PTPRK: variants seen among roughly 807,000 people sequenced by gnomAD.
PTPRK encodes protein tyrosine phosphatase receptor type K.
Under a neutral mutation model 178.0 loss-of-function variants are expected in PTPRK, and 75 were observed. That is an observed-to-expected ratio of 0.42 (90% CI 0.35 to 0.51). PTPRK has a LOEUF of 0.51. PTPRK is among the 20% of genes least tolerant of loss of function. The probability of loss-of-function intolerance (pLI) is 0.02; values close to 1 mark genes in which losing one functional copy is unlikely to be tolerated. For synonymous variants in PTPRK, 637 were observed against 620.6 expected, an observed-to-expected ratio of 1.03 and a Z score of -0.39; for missense variants, 1,441 against 1,797.8, an observed-to-expected ratio of 0.80 and a Z score of 3.59.
chr6:128,235,168 A>T (rs1562841264), intron 5 of PTPRK, among the ~76,000 whole-genome samples: 1 of 152,170 alleles, frequency 6.6e-6, no homozygotes, highest in Non-Finnish European at 1.5e-5. Context: ...ATTTGATATT[A>T]AAAAATAAAA....
At chr6:128,497,347 C>T (rs1038967837) in intron 1 of PTPRK, among the ~76,000 whole-genome samples, 2 of 152,128 alleles carry the variant, frequency 1.3e-5, no homozygotes, top group African/African-American at 2.4e-5. Context: ...CAGTGGTTCA[C>T]ACCTGTAATA....
In PTPRK at chr6:128,407,633, CAAAAA is replaced by C. The variant is rs56189580; in HGVS notation, c.101-9950_101-9946del. Among the ~76,000 whole-genome samples the C allele has an allele frequency of 4.8e-4, 47 of 97,758 alleles. No individual in the cohort carries two copies. In the East Asian group the frequency reaches 8.7e-3, roughly 18 times the overall value. The allele number at this position is 97,758 out of a possible 152,430, so 64.1% of individuals were successfully genotyped here. ...CCTGATGGACAGAGCAAGACCCTAT[CAAAAA>C]AAAAAAAAAAAAAAAAAGAAGAAGA... On this transcript the variant is annotated intron_variant, in intron 1 of 29. Transcript: ENST00000368226.
intron 7 of PTPRK, among the ~76,000 whole-genome samples, chr6:128,159,978 C>A (rs936557653): frequency 1.3e-5 from 2 of 151,692 alleles, no homozygotes; most frequent in Admixed American, 6.6e-5. Context: ...TTTAGTAGCA[C>A]AAATTACATA....
intron 7 of PTPRK, among the ~76,000 whole-genome samples, chr6:128,178,742 T>C (rs141455048): frequency 1.2e-3 from 175 of 151,912 alleles, no homozygotes; most frequent in African/African-American, 4.0e-3. Context: ...AGTCCTTCCT[T>C]AGCTTCCAGA....
At chr6:128,481,435 G>A (rs749234429) in intron 1 of PTPRK, among the ~76,000 whole-genome samples, 68 of 152,214 alleles carry the variant, frequency 4.5e-4, no homozygotes, top group Non-Finnish European at 8.2e-4. Context: ...ACTAACCAAT[G>A]CAGATTTCAA....
At chr6:128,395,100 T>C (rs1026763659) in intron 2 of PTPRK, among the ~76,000 whole-genome samples, 1 of 152,120 alleles carries the variant, frequency 6.6e-6, no homozygotes, top group Non-Finnish European at 1.5e-5. Flanking sequence ...GCATGAAAAA[T>C]CTAAATGTCT....
chr6:128,322,024 AG>A lies in PTPRK; in HGVS notation c.495+14del, dbSNP rs769292167. On this transcript the variant is annotated intron_variant, in intron 3 of 29. Coordinates refer to ENST00000368226, the MANE Select transcript of PTPRK (RefSeq NM_002844.4). ...ATGACATCAAAACATACACCAGAAA[AG>A]TACAGATGATTACCTGATATTCATT... is the stretch of plus-strand genomic sequence containing the variant. 4 of 1,613,850 alleles carry A rather than the reference AG, an allele frequency of 2.5e-6. No homozygotes were observed. In the African/African-American group the frequency reaches 4.0e-5, roughly 16 times the overall value.
chr6:128,431,128 G>A (rs879592082), intron 1 of PTPRK, among the ~76,000 whole-genome samples: 1 of 151,528 alleles, frequency 6.6e-6, no homozygotes, highest in African/African-American at 2.4e-5. Flanking sequence ...TAGTAGAGAC[G>A]GGTTTCACCA....
intron 7 of PTPRK, among the ~76,000 whole-genome samples, chr6:128,146,422 TTA>T (rs1326599312): frequency 1.4e-5 from 2 of 144,390 alleles, no homozygotes; most frequent in East Asian, 2.0e-4. Flanking sequence ...GTGTGTGTGT[TTA>T]TGTGTGTGTG....
At chr6:128,305,092 G>A (rs905249917) in intron 3 of PTPRK, among the ~76,000 whole-genome samples, 1 of 152,046 alleles carries the variant, frequency 6.6e-6, no homozygotes, top group African/African-American at 2.4e-5. Context: ...GAGCTAAACA[G>A]TAAGTTTGAA....
intron 26 of PTPRK, 30 bp from the exon 27 acceptor site, chr6:127,976,812 A>C: frequency 6.2e-7 from 1 of 1,610,568 alleles, no homozygotes; most frequent in Non-Finnish European, 8.5e-7. Flanking sequence ...AAAGAAAAAA[A>C]AAAAGAGTAT....
chr6:128,329,295 A>G (rs1829967936), intron 2 of PTPRK, among the ~76,000 whole-genome samples: 1 of 152,094 alleles, frequency 6.6e-6, no homozygotes, highest in Non-Finnish European at 1.5e-5. Context: ...ATGTCTGAAG[A>G]ATGAAGATGA....
At chr6:128,215,641 GA>G (rs1231004772) in intron 6 of PTPRK, among the ~76,000 whole-genome samples, 3 of 151,904 alleles carry the variant, frequency 2.0e-5, no homozygotes, top group Non-Finnish European at 2.9e-5. Context: ...TCTTCAGCAT[GA>G]AAATTCTGCA....
At chr6:128,194,093 A>G (rs1804437838) in intron 6 of PTPRK, among the ~76,000 whole-genome samples, 1 of 146,282 alleles carries the variant, frequency 6.8e-6, no homozygotes, top group Non-Finnish European at 1.5e-5. Flanking sequence ...TATTATTATT[A>G]TTATTATTAG....
chr6:128,161,501 C>T (rs553736076), intron 7 of PTPRK, among the ~76,000 whole-genome samples: 9 of 151,754 alleles, frequency 5.9e-5, no homozygotes, highest in Admixed American at 4.0e-4. Flanking sequence ...TGTTCTCTGA[C>T]ATTCACTGCC....
At chr6:128,003,938 T>C (rs1778137221) in intron 15 of PTPRK, among the ~76,000 whole-genome samples, 1 of 151,864 alleles carries the variant, frequency 6.6e-6, no homozygotes, top group Admixed American at 6.6e-5. Context: ...TAATTTGGTA[T>C]ACATATATAC....
At chr6:128,245,399 T>C (rs929915466) in intron 3 of PTPRK, among the ~76,000 whole-genome samples, 1 of 152,232 alleles carries the variant, frequency 6.6e-6, no homozygotes, top group Non-Finnish European at 1.5e-5. Context: ...AGACATTATA[T>C]TGACAAGATG....
chr6:127,976,889 T>A, intron 26 of PTPRK, 34 bp downstream of exon 26: 1 of 1,613,156 alleles, frequency 6.2e-7, no homozygotes, highest in Non-Finnish European at 8.5e-7. Flanking sequence ...TTAAGTTGTA[T>A]ATAAGTACAT....
intron 13 of PTPRK, among the ~76,000 whole-genome samples, chr6:128,042,010 G>A (rs1289269714): frequency 6.6e-6 from 1 of 151,792 alleles, no homozygotes; most frequent in Admixed American, 6.6e-5. Flanking sequence ...CCCCAGAACT[G>A]CACAATTCAG....
Sources: gnomAD v4.1 joint callset for allele counts (sites outside exome capture counted in the v4.1 genomes callset) on GRCh38, gnomAD v4.1.1 for gene constraint, MANE v1.5 for transcripts, NCBI Gene and HGNC (gene_info 2026-07-23, HGNC 2026-07-21) for gene names.